SNX25: variants seen among roughly 807,000 people sequenced by gnomAD.
The protein encoded by SNX25 is sorting nexin 25, also known as sorting nexin-25.
SNX25 carries 62 observed loss-of-function variants against 113.7 expected under a neutral mutation model. The observed-to-expected ratio is 0.55, with a 90% CI of 0.44 to 0.67. The LOEUF (loss-of-function observed/expected upper bound fraction) is 0.67. Among genes scored for constraint, SNX25 ranks in the 30% least tolerant of loss-of-function variants. The pLI is 0.00. For synonymous variants in SNX25, 421 were observed against 436.2 expected, an observed-to-expected ratio of 0.97 and a Z score of 0.43; for missense variants, 1,014 against 1,161.0, an observed-to-expected ratio of 0.87 and a Z score of 1.84.
chr4:185,221,433 C>G (rs1739830125), intron 1 of SNX25, among the ~76,000 whole-genome samples: 1 of 152,106 alleles, frequency 6.6e-6, no homozygotes, highest in African/African-American at 2.4e-5. Context: ...CCGTGGCCTC[C>G]CAGAATGTTG....
upstream of SNX25, among the ~76,000 whole-genome samples, chr4:185,206,660 CA>C (rs375061067): frequency 0.16 from 11,997 of 76,842 alleles, 328 homozygotes; most frequent in African/African-American, 0.17. Flanking sequence ...ACTCTTGTCT[CA>C]AAAAAAAAAA....
upstream of SNX25, among the ~76,000 whole-genome samples, chr4:185,205,439 G>A (rs1579282833): frequency 4.9e-5 from 6 of 123,304 alleles, no homozygotes; most frequent in South Asian, 1.5e-3. Context: ...AGGCAACAGA[G>A]TAAGACTGTG....
chr4:185,222,615 C>T (rs1370509576), intron 1 of SNX25, among the ~76,000 whole-genome samples: 2 of 152,208 alleles, frequency 1.3e-5, no homozygotes, highest in African/African-American at 2.4e-5. Flanking sequence ...ATTTTATACT[C>T]ATTTGGATGG....
At chr4:185,305,783 C>G (rs568607693) in intron 6 of SNX25, among the ~76,000 whole-genome samples, 1 of 152,004 alleles carries the variant, frequency 6.6e-6, no homozygotes, top group Non-Finnish European at 1.5e-5. Flanking sequence ...ACTATCTAGA[C>G]GGAAAAACAG....
the SNX25 span, chr4:185,378,343 C>T: frequency 7.0e-7 from 1 of 1,437,898 alleles, no homozygotes; most frequent in Non-Finnish European, 9.1e-7. Context: ...CAACCACCAA[C>T]TCCAGGACGT....
chr4:185,372,970 G>T (rs759875522), downstream of SNX25: 1 of 1,614,002 alleles, frequency 6.2e-7, no homozygotes, highest in Non-Finnish European at 8.5e-7. Context: ...GCACTGCAGG[G>T]CAGCTTCCGT....
At chr4:185,327,276 C>T (rs2095163343) in intron 9 of SNX25, among the ~76,000 whole-genome samples, 2 of 152,198 alleles carry the variant, frequency 1.3e-5, no homozygotes, top group African/African-American at 4.8e-5. Context: ...CATTTAACTC[C>T]ATGTCTCCTG....
chr4:185,310,398 AAATGTT>A (rs1755078333), intron 6 of SNX25, among the ~76,000 whole-genome samples: 2 of 151,602 alleles, frequency 1.3e-5, no homozygotes, highest in Admixed American at 1.3e-4. Context: ...TTTTTTAAAA[AAATGTT>A]TTACCTTTGG....
chr4:185,314,957 G>A (rs150582350), intron 7 of SNX25, among the ~76,000 whole-genome samples: 5,411 of 147,062 alleles, frequency 0.037, 119 homozygotes, highest in Non-Finnish European at 0.052. Flanking sequence ...GGCTGGGCGC[G>A]GTGGCTCACG....
At chr4:185,378,597 A>C in the SNX25 span, 2 of 996,124 alleles carry the variant, frequency 2.0e-6, no homozygotes, top group Non-Finnish European at 2.4e-6. Flanking sequence ...TGTAACTGAC[A>C]CTCATCGGAC....
intron 3 of SNX25, among the ~76,000 whole-genome samples, chr4:185,261,843 A>G (rs1747381515): frequency 6.6e-6 from 1 of 152,190 alleles, no homozygotes; most frequent in Non-Finnish European, 1.5e-5. Flanking sequence ...ATCCTGCCAC[A>G]TTTCTCCTGG....
At chr4:185,305,683 G>C (rs954273865) in intron 6 of SNX25, among the ~76,000 whole-genome samples, 15 of 152,070 alleles carry the variant, frequency 9.9e-5, no homozygotes, top group African/African-American at 3.6e-4. Flanking sequence ...TAGCCAAAAG[G>C]GTTTACCTAA....
At chr4:185,277,810 G>A (rs1453289875) in intron 5 of SNX25, among the ~76,000 whole-genome samples, 1 of 78,976 alleles carries the variant, frequency 1.3e-5, no homozygotes, top group Non-Finnish European at 2.4e-5. Flanking sequence ...TCGGCTCACT[G>A]CAAGCTCCGC....
chr4:185,216,469 A>G (rs1024879387), intron 1 of SNX25, among the ~76,000 whole-genome samples: 18 of 151,922 alleles, frequency 1.2e-4, no homozygotes, highest in African/African-American at 4.1e-4. Flanking sequence ...ACAAAAAACA[A>G]TGCTAATCAA....
rs1247517499 is a variant in SNX25 at position 185,323,686 on chromosome 4, G to C, written c.1635G>C (p.Glu545Asp). 1 of 1,613,604 alleles carries C rather than the reference G, an allele frequency of 6.2e-7. No homozygotes were observed. The highest frequency in any genetic ancestry group is 8.5e-7 in the Non-Finnish European group (1 of 1,179,790). ...VFYKIQEDVY[E>D]TLKDRYYPSF... is the part of the protein sequence containing the mutation. ...ACAAAATCCAGGAAGATGTTTATGA[G>C]ACCCTAAAGGATAGGTATTACCCTT... Residue 545 changes from glutamate to aspartate, a missense_variant, in exon 9 of 19, where the codon GAG (glutamate) becomes GAC (aspartate). Glu to Asp is a conservative substitution (Grantham distance 45). Transcript: ENST00000652585.
chr4:185,298,090 C>CTTTTTTT (rs1560982438), intron 6 of SNX25, among the ~76,000 whole-genome samples: 1 of 100,026 alleles, frequency 1.0e-5, no homozygotes, highest in Admixed American at 1.0e-4. Context: ...ATTATAGTAA[C>CTTTTTTT]TTCTTTTTTT....
chr4:185,254,966 T>G (rs956096285), intron 2 of SNX25, among the ~76,000 whole-genome samples: 6 of 152,108 alleles, frequency 3.9e-5, no homozygotes, highest in African/African-American at 1.4e-4. Flanking sequence ...TGACCTTGAA[T>G]GTTTATTTCT....
At chr4:185,245,406 C>T (rs1334100550) in intron 1 of SNX25, among the ~76,000 whole-genome samples, 3 of 151,792 alleles carry the variant, frequency 2.0e-5, no homozygotes, top group African/African-American at 7.3e-5. Flanking sequence ...GGCGAGATCT[C>T]AACTCACTGC....
chr4:185,303,514 C>T (rs1754003737), intron 6 of SNX25, among the ~76,000 whole-genome samples: 15 of 152,066 alleles, frequency 9.9e-5, no homozygotes, highest in Admixed American at 9.8e-4. Context: ...AAAAAATTAG[C>T]CGGGCGTGGT....
Sources: gnomAD v4.1 joint callset for allele counts (sites outside exome capture counted in the v4.1 genomes callset) on GRCh38, gnomAD v4.1.1 for gene constraint, MANE v1.5 for transcripts, NCBI Gene and HGNC (gene_info 2026-07-23, HGNC 2026-07-21) for gene names.